The following PASK variants were observed in gnomAD, a reference collection of about 807,000 sequenced individuals.
PASK encodes PAS domain containing serine/threonine kinase.
In PASK, 110 loss-of-function variants were observed where a neutral mutation model predicts 121.0. The observed-to-expected ratio is 0.91, with a 90% CI of 0.78 to 1.06. The LOEUF is 1.06. Among genes scored for constraint, PASK ranks in the 50% least tolerant of loss-of-function variants. The probability of loss-of-function intolerance (pLI) is 0.00; values close to 1 mark genes in which losing one functional copy is unlikely to be tolerated. For missense variants in PASK, 1,643 were observed against 1,702.3 expected (o/e 0.97, Z 0.61); for synonymous variants, 686 against 717.8 (o/e 0.96, Z 0.71).
At chr2:241,141,160 C>G (rs777140288) in intron 2 of PASK, among the ~76,000 whole-genome samples, 1 of 152,128 alleles carries the variant, frequency 6.6e-6, no homozygotes, top group Admixed American at 6.5e-5. Flanking sequence ...AGTGGCGTGC[C>G]CTTGCAGCCC....
In PASK at chr2:241,122,765, C is replaced by T. The variant is rs2065672758; in HGVS notation, c.3039G>A (p.Val1013=). 1 of 1,614,088 alleles carries T rather than the reference C, an allele frequency of 6.2e-7. No homozygotes were observed. ...SPLGSGAFGF[V]WTAVDKEKNK... ...TTTTTTCCTTGTCCACAGCAGTCCA[C>T]ACGAAGCCGAAGGCCCCACTGCCCA... is the stretch of plus-strand genomic sequence containing the variant. Residue 1013 remains valine, a synonymous_variant, in exon 12 of 18, where the codon GTG becomes GTA. Coordinates refer to ENST00000234040, the MANE Select transcript of PASK (RefSeq NM_015148.4).
In PASK at chr2:241,108,678, T is replaced by A. The variant is rs13401295; in HGVS notation, c.3534-378A>T. On this transcript the variant is annotated intron_variant, in intron 15 of 17. Transcript: ENST00000234040. This position sits in a 1 kb window ranked among gnomAD's most constrained non-coding sequence, Gnocchi z 5.2. ...AGCTGCAGGCCACTTCAGAACAGGG[T>A]CACGTGCCCTTCAGACGTGATCAGG... 7.9e-5 allele frequency: 29 copies of A among 366,150 alleles called. No homozygotes were observed. The highest frequency in any genetic ancestry group is 2.6e-4 in the Admixed American group (7 of 26,536). The allele number at this position is 366,150 out of a possible 1,614,324, so 22.7% of individuals were successfully genotyped here.
chr2:241,140,027 C>T lies in PASK; in HGVS notation c.458G>A (p.Gly153Glu), dbSNP rs1180994248. Residue 153 changes from glycine (G) to glutamate (E), a missense_variant, in exon 4 of 18, where the codon GGG becomes GAG. By Grantham distance (98) the Gly-to-Glu change is moderately conservative. This residue lies in a region of PASK where 1,176 missense variants were observed against 1,162.2 expected (regional missense o/e 1.01). Transcript: ENST00000234040. ...EILVANDKAC[G>E]LLGYSSQDLI... ...GTCCTGGCTGCTGTACCCCAGGAGC[C>T]CGCAAGCTTTGTCGTTAGCAACCAG... 6.2e-7 allele frequency: 1 copy of T among 1,614,002 alleles called. No individual in the cohort carries two copies. Among genetic ancestry groups the T allele is most frequent in the Admixed American group, 1.7e-5 (1 of 60,006 alleles).
At position 241,123,931 on chromosome 2, in the gene PASK, T is replaced by C. The variant is rs752845841; in HGVS notation, c.2904+18A>G. 24 of 1,607,508 alleles carry C rather than the reference T, an allele frequency of 1.5e-5. No individual in the cohort carries two copies. In the East Asian group the frequency reaches 3.6e-4, roughly 24 times the overall value. On this transcript the variant is annotated intron_variant, in intron 11 of 17. Transcript: ENST00000234040. ...GTACAAGGCAAGTCCAGGGCAGGCA[T>C]TGATTGCAAATACCCACTTCCACCA...
chr2:241,121,096 C>G (rs1393034662), intron 12 of PASK, among the ~76,000 whole-genome samples: 1 of 152,172 alleles, frequency 6.6e-6, no homozygotes, highest in Non-Finnish European at 1.5e-5. Flanking sequence ...GTGCATGATT[C>G]CATTTATATG....
upstream of PASK, chr2:241,150,170 T>C: frequency 7.9e-7 from 1 of 1,268,734 alleles, no homozygotes; most frequent in Non-Finnish European, 9.9e-7. Flanking sequence ...GCCCAGGGCG[T>C]CTCTCCACTC....
chr2:241,112,321 G>A lies in PASK; in HGVS notation c.3452C>T (p.Ala1151Val). 1 of 1,613,628 alleles carries A rather than the reference G, an allele frequency of 6.2e-7. No individual in the cohort carries two copies. Among genetic ancestry groups the A allele is most frequent in the Non-Finnish European group, 8.5e-7 (1 of 1,179,772 alleles). Residue 1151 changes from alanine to valine, a missense_variant, in exon 15 of 18, where the codon GCC becomes GTC. Around this residue, in one of 3 missense-constraint regions of PASK, gnomAD observed 453 missense variants for 511.2 expected, o/e 0.89. Coordinates refer to ENST00000234040, the MANE Select transcript of PASK (RefSeq NM_015148.4). The surrounding 1 kb of genome is among the most constrained non-coding windows in gnomAD (Gnocchi z 5.2). ...AAATAATTTTCCCCTTTCCAAGTAG[G>A]CGGCCGAGCCAAAGTCTATCAGCTT... ...TIKLIDFGSA[A>V]YLERGKLFYT...
intron 1 of PASK, among the ~76,000 whole-genome samples, chr2:241,149,131 G>A (rs1327631493): frequency 6.6e-6 from 1 of 151,492 alleles, no homozygotes; most frequent in African/African-American, 2.4e-5. Context: ...CGGGGCCTCG[G>A]CGCCCACCGG....
At chr2:241,122,082 CAT>C (rs2065637547) in intron 12 of PASK, among the ~76,000 whole-genome samples, 1 of 152,052 alleles carries the variant, frequency 6.6e-6, no homozygotes, top group Non-Finnish European at 1.5e-5. Context: ...GAAAGCACAA[CAT>C]ATGAAAATAT....
chr2:241,143,652 G>C (rs1363861945), intron 1 of PASK, among the ~76,000 whole-genome samples: 1 of 152,160 alleles, frequency 6.6e-6, no homozygotes, highest in Non-Finnish European at 1.5e-5. Context: ...AACAGGGTGG[G>C]AAGGAGCCAT....
Position 241,108,466 on chromosome 2 carries a change from C to G in PASK, c.3534-166G>C. 1 of 718,196 alleles carries G rather than the reference C, an allele frequency of 1.4e-6. No homozygotes were observed. The highest frequency in any genetic ancestry group is 2.4e-6 in the Non-Finnish European group (1 of 410,328). The allele number at this position is 718,196 out of a possible 1,614,324, so 44.5% of individuals were successfully genotyped here. ...CAAACACGCCCTCCATTTCCACGCA[C>G]TTCTGCCCCAGGCCAGCCAGCAGGC... On this transcript the variant is annotated intron_variant, in intron 15 of 17. Coordinates refer to ENST00000234040, the MANE Select transcript of PASK (RefSeq NM_015148.4). The surrounding 1 kb of genome is among the most constrained non-coding windows in gnomAD (Gnocchi z 5.2).
At chr2:241,115,220 T>TC (rs1227116270) in intron 13 of PASK, 43 bp from the exon 14 acceptor site, 1 of 1,613,880 alleles carries the variant, frequency 6.2e-7, no homozygotes. Flanking sequence ...CAAAACATCT[T>TC]CAAGTCAACA....
Position 241,127,085 on chromosome 2 carries a change from G to A in PASK, c.1830C>T (p.Cys610=), listed in dbSNP as rs1423258512. 1.2e-6 allele frequency: 2 copies of A among 1,614,094 alleles called. No homozygotes were observed. Among genetic ancestry groups the A allele is most frequent in the East Asian group, 2.2e-5 (1 of 44,882 alleles). ...AGCCCCATTCACTCCCATAGCAAGG[G>A]CAGTGCATCAGGAGGCTGCCCCCCG... ...QLAGGSLLMH[C]PCYGSEWGLW... Residue 610 remains cysteine, a synonymous_variant, in exon 10 of 18, where the codon TGC becomes TGT. Transcript: ENST00000234040.
chr2:241,110,695 G>A (rs1442899367), intron 15 of PASK, among the ~76,000 whole-genome samples: 1 of 152,156 alleles, frequency 6.6e-6, no homozygotes, highest in Non-Finnish European at 1.5e-5. Context: ...AGGAAGGGGT[G>A]ACAAGCCATG....
At chr2:241,149,891 C>G, upstream of PASK, 1 of 1,440,906 alleles carries the variant, frequency 6.9e-7, no homozygotes, top group Non-Finnish European at 9.1e-7. Context: ...GGCTAGCGGC[C>G]CCACCAGCGC....
intron 9 of PASK, among the ~76,000 whole-genome samples, chr2:241,131,618 G>A (rs1301932405): frequency 2.0e-5 from 3 of 152,192 alleles, no homozygotes; most frequent in Non-Finnish European, 4.4e-5. Context: ...ACGGCAGGCA[G>A]TCTAACCTCT....
At chr2:241,136,978 G>C in intron 7 of PASK, 26 bp downstream of exon 7, 1 of 1,609,300 alleles carries the variant, frequency 6.2e-7, no homozygotes, top group East Asian at 2.2e-5. Context: ...CAGGGAACGG[G>C]AGCCAGGCGC....
At chr2:241,144,266 G>A (rs2066850960) in intron 1 of PASK, among the ~76,000 whole-genome samples, 1 of 152,198 alleles carries the variant, frequency 6.6e-6, no homozygotes, top group Admixed American at 6.5e-5. Context: ...ATATTGGCAA[G>A]CACTTGAAAC....
chr2:241,149,405 G>A lies in PASK; in HGVS notation c.-43+9C>T, dbSNP rs1022105725. The A allele has an allele frequency of 1.5e-5, 7 of 465,848 alleles. No individual in the cohort carries two copies. Among genetic ancestry groups the A allele is most frequent in the African/African-American group, 8.2e-5 (4 of 48,692 alleles). The allele number at this position is 465,848 out of a possible 1,614,324, so 28.9% of individuals were successfully genotyped here. On this transcript the variant is annotated intron_variant, in intron 1 of 17. Coordinates refer to ENST00000234040, the MANE Select transcript of PASK (RefSeq NM_015148.4). ...GCCCGGCCCGCTCTCCCGAGCGCAG[G>A]TATCTCACCTGGATCAGGCGAGGGT... is the stretch of plus-strand genomic sequence containing the variant.
Sources: gnomAD v4.1 joint callset for allele counts (sites outside exome capture counted in the v4.1 genomes callset) on GRCh38, gnomAD v4.1.1 for gene constraint, gnomAD v4.1.1 regional missense constraint, Gnocchi (gnomAD v3.1) non-coding constraint, MANE v1.5 for transcripts, NCBI Gene and HGNC (gene_info 2026-07-23, HGNC 2026-07-21) for gene names.